The following STK39 variants were observed in gnomAD, a reference collection of about 807,000 sequenced individuals.
STK39 encodes the protein STE20/SPS1-related proline-alanine-rich protein kinase.
A neutral mutation model predicts 77.8 loss-of-function variants in STK39; 20 were observed. That is an observed-to-expected ratio of 0.26 (90% confidence interval 0.18 to 0.37). The LOEUF (loss-of-function observed/expected upper bound fraction) is 0.37. Among genes scored for constraint, STK39 ranks in the 10% least tolerant of loss-of-function variants. The probability of loss-of-function intolerance (pLI) is 1.00; values close to 1 mark genes in which losing one functional copy is unlikely to be tolerated. For missense variants in STK39, 479 were observed against 656.5 expected, an observed-to-expected ratio of 0.73 and a Z score of 2.95; for synonymous variants, 246 against 234.1, an observed-to-expected ratio of 1.05 and a Z score of -0.47.
At chr2:168,108,045 CT>C (rs1559100692) in intron 10 of STK39, among the ~76,000 whole-genome samples, 1 of 152,200 alleles carries the variant, frequency 6.6e-6, no homozygotes, top group Non-Finnish European at 1.5e-5. Context: ...CAAAATTCTA[CT>C]TACTACAGAA....
At chr2:168,148,939 G>C (rs1688211161) in intron 5 of STK39, among the ~76,000 whole-genome samples, 1 of 152,162 alleles carries the variant, frequency 6.6e-6, no homozygotes, top group Admixed American at 6.5e-5. Context: ...TTCCTTCTTT[G>C]AGCAACAGGT....
Position 168,065,401 on chromosome 2 carries a change from T to TA in STK39, c.1243-21dup, listed in dbSNP as rs773027527. 6.2e-7 allele frequency: 1 copy of TA among 1,613,798 alleles called. No individual in the cohort carries two copies. The highest frequency in any genetic ancestry group is 8.5e-7 in the Non-Finnish European group (1 of 1,179,692). ...TGCAATCTGTTACGAGAGCCACCGT[T>TA]ACAGCATTCAAGAAAGCCAAAGGGA... On this transcript the variant is annotated intron_variant, in intron 12 of 17. Coordinates refer to ENST00000355999, the MANE Select transcript of STK39 (RefSeq NM_013233.3).
At chr2:168,246,912 G>C (rs1241796149) in intron 1 of STK39, among the ~76,000 whole-genome samples, 1 of 151,906 alleles carries the variant, frequency 6.6e-6, no homozygotes, top group Non-Finnish European at 1.5e-5. Context: ...AGGAAGATGC[G>C]GCGGCGCCGC....
chr2:168,200,174 C>T (rs1337394885), intron 1 of STK39, among the ~76,000 whole-genome samples: 1 of 152,120 alleles, frequency 6.6e-6, no homozygotes, highest in African/African-American at 2.4e-5. Context: ...TGCATCAAAA[C>T]CTATACATCA....
chr2:168,204,635 G>A (rs1004700420), intron 1 of STK39, among the ~76,000 whole-genome samples: 1 of 152,220 alleles, frequency 6.6e-6, no homozygotes, highest in African/African-American at 2.4e-5. Flanking sequence ...CTCTAGCAGT[G>A]AGGAAAGCTA....
chr2:167,981,511 T>TC (rs1288266012), intron 16 of STK39, among the ~76,000 whole-genome samples: 2 of 152,166 alleles, frequency 1.3e-5, no homozygotes, highest in Non-Finnish European at 2.9e-5. Context: ...TGCAGAAACT[T>TC]CACAATCAGT....
intron 14 of STK39, among the ~76,000 whole-genome samples, chr2:168,035,489 G>A (rs1484716404): frequency 6.6e-6 from 1 of 152,166 alleles, no homozygotes; most frequent in Non-Finnish European, 1.5e-5. Flanking sequence ...AACTTCGGCA[G>A]AATGTCTAAC....
intron 13 of STK39, 64 bp downstream of exon 13, chr2:168,065,255 G>T: frequency 6.5e-7 from 1 of 1,537,922 alleles, no homozygotes; most frequent in Non-Finnish European, 9.0e-7. Context: ...TTTCTAAAAT[G>T]TTGGTTTTTT....
chr2:168,207,448 A>AT (rs1357138377), intron 1 of STK39, among the ~76,000 whole-genome samples: 3 of 152,228 alleles, frequency 2.0e-5, no homozygotes, highest in African/African-American at 7.2e-5. Flanking sequence ...CTTTGAGTAC[A>AT]TATTATTTGC....
intron 14 of STK39, among the ~76,000 whole-genome samples, chr2:168,062,319 G>A (rs1685685422): frequency 6.6e-6 from 1 of 152,164 alleles, no homozygotes; most frequent in South Asian, 2.1e-4. Flanking sequence ...AAATATAAAT[G>A]AAAGAAGTAC....
intron 16 of STK39, among the ~76,000 whole-genome samples, chr2:168,004,750 A>T (rs1240791553): frequency 1.4e-5 from 2 of 145,142 alleles, no homozygotes; most frequent in Admixed American, 6.8e-5. Context: ...AAAAAAAAAA[A>T]TTAAAATATA....
chr2:168,027,673 A>G (rs1025440718), intron 14 of STK39, among the ~76,000 whole-genome samples: 3 of 152,196 alleles, frequency 2.0e-5, no homozygotes, highest in Non-Finnish European at 4.4e-5. Context: ...TTCAAATAAG[A>G]TATCTCAACA....
chr2:168,243,927 C>T lies in STK39; in HGVS notation c.208+3301G>A, dbSNP rs547761934. Among the ~76,000 whole-genome samples, 11 of 152,268 alleles carry T rather than the reference C, an allele frequency of 7.2e-5. No individual in the cohort carries two copies. The South Asian group carries it at 2.1e-3, about 29-fold the overall frequency. ...GGCTCAACTCACCCCCAAATTCCTT[C>T]TTTAGAGAGGTAAGGAACAAAGATT... is the stretch of plus-strand genomic sequence containing the variant. On this transcript the variant is annotated intron_variant, in intron 1 of 17. Transcript: ENST00000355999.
chr2:168,164,133 G>A (rs553495481), intron 3 of STK39, among the ~76,000 whole-genome samples: 32 of 152,316 alleles, frequency 2.1e-4, no homozygotes, highest in African/African-American at 4.6e-4. Context: ...GTTCATGGCC[G>A]TTCCATGGCT....
intron 12 of STK39, among the ~76,000 whole-genome samples, chr2:168,072,000 T>C (rs1351279162): frequency 6.6e-6 from 1 of 152,144 alleles, no homozygotes; most frequent in African/African-American, 2.4e-5. Flanking sequence ...GTATTTGTAA[T>C]AGCAGCCTAA....
At chr2:168,090,655 T>A (rs1460753562) in intron 10 of STK39, among the ~76,000 whole-genome samples, 1 of 152,132 alleles carries the variant, frequency 6.6e-6, no homozygotes, top group Non-Finnish European at 1.5e-5. Context: ...ACAAGTCAAA[T>A]AAATACCCTA....
intron 1 of STK39, among the ~76,000 whole-genome samples, chr2:168,242,927 T>C (rs903321929): frequency 2.1e-4 from 31 of 151,210 alleles, no homozygotes; most frequent in African/African-American, 7.0e-4. Context: ...AAAGAACATT[T>C]CTATATACAT....
intron 10 of STK39, among the ~76,000 whole-genome samples, chr2:168,100,967 T>C (rs1351455900): frequency 1.3e-5 from 2 of 152,116 alleles, no homozygotes. Flanking sequence ...CAAATGCCCA[T>C]CAATGACAGA....
intron 1 of STK39, among the ~76,000 whole-genome samples, chr2:168,216,729 T>G (rs1690033944): frequency 6.6e-6 from 1 of 152,194 alleles, no homozygotes; most frequent in African/African-American, 2.4e-5. Flanking sequence ...GCTTTCAACT[T>G]TCTAAAGCCA....
Sources: gnomAD v4.1 joint callset for allele counts (sites outside exome capture counted in the v4.1 genomes callset) on GRCh38, gnomAD v4.1.1 for gene constraint, MANE v1.5 for transcripts, NCBI Gene and HGNC (gene_info 2026-07-23, HGNC 2026-07-21) for gene names.